Variants in ESRRG observed in about 807,000 individuals in gnomAD.
The protein encoded by ESRRG is estrogen related receptor gamma.
In ESRRG, 13 loss-of-function variants were observed where a neutral mutation model predicts 44.0. That is an observed-to-expected ratio of 0.30 (90% CI 0.19 to 0.47). The LOEUF is 0.47. ESRRG is among the 20% of genes least tolerant of loss of function. The pLI is 1.00. For missense variants in ESRRG, 395 were observed against 580.6 expected, an observed-to-expected ratio of 0.68 and a Z score of 3.29; for synonymous variants, 215 against 214.6, an observed-to-expected ratio of 1.00 and a Z score of -0.02.
chr1:216,670,583 C>T (rs1183621805), intron 2 of ESRRG, among the ~76,000 whole-genome samples: 1 of 152,154 alleles, frequency 6.6e-6, no homozygotes, highest in Non-Finnish European at 1.5e-5. Flanking sequence ...TACCTGAGAC[C>T]CTCAAACTCC....
chr1:217,135,295 A>C (rs1262423503), intron 1 of ESRRG, among the ~76,000 whole-genome samples: 1 of 151,418 alleles, frequency 6.6e-6, no homozygotes, highest in Non-Finnish European at 1.5e-5. Context: ...TGAAACACAC[A>C]CGCCCACCCC....
At chr1:216,682,709 A>AGTGCGTGTGTGTGTGTGTGTGTGTGT (rs2077225305) in intron 1 of ESRRG, among the ~76,000 whole-genome samples, 1 of 144,662 alleles carries the variant, frequency 6.9e-6, no homozygotes, top group African/African-American at 2.6e-5. Context: ...AATACTCTAT[A>AGTGCGTGTGTGTGTGTGTGTGTGTGT]GTGTGTGTGT....
At chr1:217,129,263 A>G (rs894944699) in intron 1 of ESRRG, among the ~76,000 whole-genome samples, 5 of 152,248 alleles carry the variant, frequency 3.3e-5, no homozygotes, top group Non-Finnish European at 7.3e-5. Context: ...AGTTACTAGG[A>G]AAATACAAAT....
chr1:216,745,628 A>G (rs924715169), intron 2 of ESRRG, among the ~76,000 whole-genome samples: 2 of 152,142 alleles, frequency 1.3e-5, no homozygotes, highest in African/African-American at 4.8e-5. Context: ...CAGTCTCTCA[A>G]TGCGTGTATT....
At chr1:216,793,576 C>T (rs1315489852) in intron 2 of ESRRG, among the ~76,000 whole-genome samples, 2 of 152,034 alleles carry the variant, frequency 1.3e-5, no homozygotes, top group Non-Finnish European at 2.9e-5. Flanking sequence ...GCAGCCCTGC[C>T]CAACACCTTG....
At chr1:217,130,679 A>T (rs2092952620) in intron 1 of ESRRG, among the ~76,000 whole-genome samples, 2 of 152,242 alleles carry the variant, frequency 1.3e-5, no homozygotes. Flanking sequence ...GATTAAAAAT[A>T]ATTGAATATT....
intron 5 of ESRRG, among the ~76,000 whole-genome samples, chr1:216,529,494 T>A (rs2048651090): frequency 6.6e-6 from 1 of 152,132 alleles, no homozygotes; most frequent in South Asian, 2.1e-4. Flanking sequence ...CTAACCAATA[T>A]GTTATTACTA....
intron 2 of ESRRG, among the ~76,000 whole-genome samples, chr1:216,930,446 C>A (rs911639386): frequency 2.0e-5 from 3 of 152,180 alleles, no homozygotes; most frequent in African/African-American, 7.2e-5. Flanking sequence ...CATTTTCAGA[C>A]TGACTTTACA....
rs184537223 is a variant in ESRRG at position 216,833,088 on chromosome 1, C to T, written c.-14+106494G>A. ...TTAGGAGAATTACAGCAGTACTGAACAATTCCAAGGCATTGACTGCACTAA... is the reference window on the plus strand; with the variant it reads ...TTAGGAGAATTACAGCAGTACTGAATAATTCCAAGGCATTGACTGCACTAA... On this transcript the variant is annotated intron_variant, in intron 2 of 7. Coordinates refer to the ESRRG transcript ENST00000359162. Among the ~76,000 whole-genome samples the T allele has an allele frequency of 3.8e-4, 58 of 152,026 alleles. 2 individuals carry two copies. The East Asian group carries it at 0.01, about 27-fold the overall frequency.
chr1:216,544,992 T>C (rs1357494190), intron 5 of ESRRG, among the ~76,000 whole-genome samples: 1 of 151,960 alleles, frequency 6.6e-6, no homozygotes, highest in Non-Finnish European at 1.5e-5. Context: ...TTTCAAGTAA[T>C]TGCCTGGTAT....
chr1:216,741,524 G>T lies in ESRRG; in HGVS notation c.-13-64033C>A, dbSNP rs73093930. On this transcript the variant is annotated intron_variant, in intron 2 of 7. Transcript: ENST00000359162. ...AAACTCAGAAAGATCACCTCCTCTC[G>T]GGAGGCATCTCTTATCCTGCCATCC... Among the ~76,000 whole-genome samples the T allele has an allele frequency of 2.2e-3, 325 of 147,418 alleles. 1 individual carries two copies. The highest frequency in any genetic ancestry group is 7.6e-3 in the African/African-American group (302 of 39,864).
chr1:216,667,685 C>CAA (rs67275285), intron 2 of ESRRG, among the ~76,000 whole-genome samples: 2,793 of 66,096 alleles, frequency 0.042, 285 homozygotes, highest in African/African-American at 0.16. Context: ...GACTCCATCT[C>CAA]AAAAAAAAAA....
chr1:217,074,982 T>A (rs934108556), intron 1 of ESRRG, among the ~76,000 whole-genome samples: 4 of 152,146 alleles, frequency 2.6e-5, no homozygotes, highest in African/African-American at 9.7e-5. Context: ...TCTCTCAGTA[T>A]CCTTGGGGAT....
At chr1:216,769,771 A>G (rs2093301267) in intron 2 of ESRRG, among the ~76,000 whole-genome samples, 2 of 152,128 alleles carry the variant, frequency 1.3e-5, no homozygotes, top group Admixed American at 6.6e-5. Flanking sequence ...CTGATAATAG[A>G]GGTTTATAAA....
intron 1 of ESRRG, among the ~76,000 whole-genome samples, chr1:217,107,645 T>C (rs1188747901): frequency 1.3e-5 from 2 of 152,218 alleles, no homozygotes; most frequent in South Asian, 2.1e-4. Context: ...CTATTAGATA[T>C]ATGGTCTGTT....
intron 3 of ESRRG, among the ~76,000 whole-genome samples, chr1:216,615,083 C>T (rs916618402): frequency 6.6e-6 from 1 of 152,162 alleles, no homozygotes; most frequent in Non-Finnish European, 1.5e-5. Flanking sequence ...ACTAGAATGG[C>T]AGGGAGAGTT....
intron 2 of ESRRG, among the ~76,000 whole-genome samples, chr1:216,879,967 G>T (rs1374968156): frequency 1.3e-5 from 2 of 151,948 alleles, no homozygotes; most frequent in Non-Finnish European, 2.9e-5. Flanking sequence ...TATTGACAAG[G>T]TGTGTATTTA....
chr1:216,924,352 C>T (rs774894824), intron 2 of ESRRG, among the ~76,000 whole-genome samples: 11 of 152,148 alleles, frequency 7.2e-5, no homozygotes, highest in South Asian at 2.1e-4. Context: ...AAGCAGCCCT[C>T]GAGAGCAATG....
intron 2 of ESRRG, among the ~76,000 whole-genome samples, chr1:216,885,530 G>C (rs1345554887): frequency 1.3e-5 from 2 of 151,152 alleles, no homozygotes; most frequent in Non-Finnish European, 2.9e-5. Context: ...CTTGGGAAAA[G>C]TCACCCATTC....
Sources: gnomAD v4.1 joint callset for allele counts (sites outside exome capture counted in the v4.1 genomes callset) on GRCh38, gnomAD v4.1.1 for gene constraint, MANE v1.5 for transcripts, NCBI Gene and HGNC (gene_info 2026-07-23, HGNC 2026-07-21) for gene names.